Variants in CSMD3 observed in about 807,000 individuals in gnomAD.
CSMD3 encodes the protein CUB and sushi domain-containing protein 3.
A neutral mutation model predicts 435.2 loss-of-function variants in CSMD3; 177 were observed. The observed-to-expected ratio is 0.41, with a 90% CI of 0.36 to 0.46. The LOEUF is 0.46. Among genes scored for constraint, CSMD3 ranks in the 20% least tolerant of loss-of-function variants. CSMD3 has a pLI of 0.34. For synonymous variants in CSMD3, 1,656 were observed against 1,520.5 expected (o/e 1.09, Z -2.07); for missense variants, 4,265 against 4,504.6 (o/e 0.95, Z 1.52).
intron 1 of CSMD3, among the ~76,000 whole-genome samples, chr8:113,368,571 A>T (rs1172036746): frequency 1.3e-5 from 2 of 152,110 alleles, no homozygotes; most frequent in East Asian, 3.9e-4. Context: ...ATATCACATT[A>T]TCTTCCTAAA....
At chr8:112,683,239 T>C (rs2075940331) in intron 15 of CSMD3, among the ~76,000 whole-genome samples, 1 of 152,060 alleles carries the variant, frequency 6.6e-6, no homozygotes, top group South Asian at 2.1e-4. Context: ...TATTATCTCA[T>C]TTAATATTTA....
chr8:112,660,614 A>G (rs2075357533), intron 17 of CSMD3, among the ~76,000 whole-genome samples: 1 of 152,100 alleles, frequency 6.6e-6, no homozygotes. Context: ...TTTGGGGTGG[A>G]AGTAAAGGAA....
intron 6 of CSMD3, among the ~76,000 whole-genome samples, chr8:112,994,458 T>C (rs2131034103): frequency 6.6e-6 from 1 of 151,836 alleles, no homozygotes; most frequent in South Asian, 2.1e-4. Flanking sequence ...AATGCCCTTT[T>C]GTCAATATTT....
rs1339694518 is a variant in CSMD3, at chr8:112,231,549, T to C, written c.10824A>G (p.Arg3608=). The change falls in exon 69 of 71, where the codon AGA becomes AGG. Residue 3608 remains arginine, a synonymous_variant. Coordinates refer to ENST00000297405, the MANE Select transcript of CSMD3 (RefSeq NM_198123.2). ...GKDYGQFGLQ[R]LGLNMSEGSN... is the part of the protein sequence containing the mutation. ...AAATCAAAATGAATACATTACCCAG[T>C]CTTTGTAGGCCAAATTGTCCATAAT... 1.3e-6 allele frequency: 2 copies of C among 1,587,336 alleles called. No homozygotes were observed. The highest frequency in any genetic ancestry group is 1.7e-6 in the Non-Finnish European group (2 of 1,155,832).
intron 3 of CSMD3, among the ~76,000 whole-genome samples, chr8:113,255,872 C>T (rs903772270): frequency 1.3e-5 from 2 of 151,472 alleles, no homozygotes; most frequent in African/African-American, 4.8e-5. Flanking sequence ...GTTTTACATC[C>T]CTTGATTTTA....
intron 61 of CSMD3, among the ~76,000 whole-genome samples, chr8:112,262,445 T>C (rs916920650): frequency 5.9e-5 from 9 of 152,096 alleles, no homozygotes; most frequent in African/African-American, 1.9e-4. Flanking sequence ...TCAGGGAGTA[T>C]ACATTTGAGT....
chr8:112,595,210 T>G (rs970205776), intron 22 of CSMD3, among the ~76,000 whole-genome samples: 1 of 151,250 alleles, frequency 6.6e-6, no homozygotes, highest in African/African-American at 2.4e-5. Context: ...GAGAACTACG[T>G]GAAGAATGCA....
chr8:112,325,200 C>G (rs1423427619), intron 45 of CSMD3, among the ~76,000 whole-genome samples: 3 of 152,124 alleles, frequency 2.0e-5, no homozygotes, highest in Non-Finnish European at 2.9e-5. Context: ...CTGTCTACAA[C>G]CTCTTACTGT....
At chr8:112,807,657 T>C (rs2079124623) in intron 12 of CSMD3, among the ~76,000 whole-genome samples, 1 of 152,168 alleles carries the variant, frequency 6.6e-6, no homozygotes, top group African/African-American at 2.4e-5. Flanking sequence ...TTTTAGAAGC[T>C]GTACAACTGT....
chr8:112,404,672 A>G (rs2129977551), intron 35 of CSMD3, among the ~76,000 whole-genome samples: 1 of 152,276 alleles, frequency 6.6e-6, no homozygotes, highest in East Asian at 1.9e-4. Context: ...ACATGTGAAC[A>G]AATGTATTTT....
In CSMD3 at chr8:112,241,709, A is replaced by C. The variant is rs1814165741; in HGVS notation, c.10468+11T>G. 1 of 1,596,382 alleles carries C rather than the reference A, an allele frequency of 6.3e-7. No individual in the cohort carries two copies. Among genetic ancestry groups the C allele is most frequent in the Non-Finnish European group, 8.6e-7 (1 of 1,164,112 alleles). ...ATAATGAACTCTAGAAAAACAAATG[A>C]CATTACTAACCACTTAGCTTTGGGC... On this transcript the variant is annotated intron_variant, in intron 66 of 70. Transcript: ENST00000297405.
intron 17 of CSMD3, 130 bp downstream of exon 17, chr8:112,666,147 G>C: frequency 1.3e-6 from 1 of 766,926 alleles, no homozygotes; most frequent in Non-Finnish European, 2.2e-6. Flanking sequence ...GCAAACAGAT[G>C]GAAGCATTCA....
chr8:112,726,429 T>C (rs1291976517), intron 13 of CSMD3, among the ~76,000 whole-genome samples: 1 of 151,900 alleles, frequency 6.6e-6, no homozygotes, highest in East Asian at 1.9e-4. Context: ...CCAATTATTA[T>C]GTACTTGGCA....
At chr8:112,288,618 A>G (rs1819456026) in intron 57 of CSMD3, among the ~76,000 whole-genome samples, 1 of 152,036 alleles carries the variant, frequency 6.6e-6, no homozygotes. Flanking sequence ...GAAAAAGCAG[A>G]AAAATAAGCA....
At chr8:113,264,157 G>A (rs1208869796) in intron 3 of CSMD3, among the ~76,000 whole-genome samples, 1 of 151,108 alleles carries the variant, frequency 6.6e-6, no homozygotes, top group Non-Finnish European at 1.5e-5. Flanking sequence ...CTAAGTTTTG[G>A]GAAGGGGAAA....
chr8:112,769,033 C>T (rs544274277), intron 13 of CSMD3, among the ~76,000 whole-genome samples: 43 of 152,032 alleles, frequency 2.8e-4, no homozygotes, highest in Non-Finnish European at 5.0e-4. Context: ...AAAGTTTATA[C>T]ATGTAAAACA....
intron 1 of CSMD3, among the ~76,000 whole-genome samples, chr8:113,376,052 T>C (rs148287891): frequency 2.2e-3 from 329 of 152,282 alleles, no homozygotes; most frequent in African/African-American, 7.6e-3. Flanking sequence ...ATTTTGTCAA[T>C]TGGCAAATTC....
At chr8:113,325,282 T>C (rs1397402140) in intron 1 of CSMD3, among the ~76,000 whole-genome samples, 1 of 152,114 alleles carries the variant, frequency 6.6e-6, no homozygotes, top group East Asian at 1.9e-4. Flanking sequence ...CCCACCCAAA[T>C]CTCATCTTGA....
chr8:112,495,771 T>G (rs995946452), intron 30 of CSMD3, among the ~76,000 whole-genome samples: 1 of 152,104 alleles, frequency 6.6e-6, no homozygotes, highest in African/African-American at 2.4e-5. Context: ...AATAGTGATT[T>G]GCCTACTGAA....
Sources: allele counts gnomAD v4.1 joint callset (sites outside exome capture counted in the v4.1 genomes callset), GRCh38; gene constraint gnomAD v4.1.1; transcripts MANE v1.5; gene names NCBI Gene and HGNC (gene_info 2026-07-23, HGNC 2026-07-21).